USP34: variants seen among roughly 807,000 people sequenced by gnomAD.
The protein encoded by USP34 is ubiquitin specific peptidase 34.
Under a neutral mutation model 460.3 loss-of-function variants are expected in USP34, and 70 were observed. The observed-to-expected ratio is 0.15, with a 90% confidence interval of 0.13 to 0.19. USP34 has a LOEUF of 0.19. USP34 is among the 10% of genes least tolerant of loss of function. The probability of loss-of-function intolerance (pLI) is 1.00; values close to 1 mark genes in which losing one functional copy is unlikely to be tolerated. For synonymous variants in USP34, 1,647 were observed against 1,405.3 expected (o/e 1.17, Z -3.85); for missense variants, 3,985 against 4,236.2 (o/e 0.94, Z 1.65).
chr2:61,399,343 C>CAAAA (rs137914061), intron 3 of USP34, among the ~76,000 whole-genome samples: 14 of 89,938 alleles, frequency 1.6e-4, no homozygotes, highest in Non-Finnish European at 3.3e-4. Context: ...AACTCCGTCT[C>CAAAA]AAAAAAAAAA....
chr2:61,417,864 C>G (rs2103965806), intron 2 of USP34, among the ~76,000 whole-genome samples: 1 of 150,444 alleles, frequency 6.6e-6, no homozygotes, highest in East Asian at 1.9e-4. Context: ...TCCTCAGGCT[C>G]CCGAGTAGCT....
At chr2:61,422,771 G>A (rs963161427) in intron 1 of USP34, among the ~76,000 whole-genome samples, 6 of 152,194 alleles carry the variant, frequency 3.9e-5, no homozygotes, top group African/African-American at 9.7e-5. Flanking sequence ...GGCCAAGGCG[G>A]GCAGATCACT....
At chr2:61,314,441 C>G in intron 25 of USP34, 144 bp downstream of exon 25, 1 of 670,954 alleles carries the variant, frequency 1.5e-6, no homozygotes, top group East Asian at 3.2e-5. Context: ...ATAAAAATTA[C>G]TTATGTTACT....
At chr2:61,289,971 G>C (rs187068207) in intron 33 of USP34, among the ~76,000 whole-genome samples, 1 of 152,102 alleles carries the variant, frequency 6.6e-6, no homozygotes, top group East Asian at 1.9e-4. Flanking sequence ...ATGTGTGGGG[G>C]GCTTGTCCCC....
Position 61,229,651 on chromosome 2 carries a change from G to T in USP34, c.7114-18C>A. ...TGAAACATCTGTGAAGAAAGAAAAA[G>T]ATCAAACAAGAGCCAACTCATCAGG... On this transcript the variant is annotated intron_variant, in intron 58 of 79. Transcript: ENST00000398571. The T allele has an allele frequency of 6.3e-7, 1 of 1,596,552 alleles. No homozygotes were observed. Among genetic ancestry groups the T allele is most frequent in the Non-Finnish European group, 8.5e-7 (1 of 1,171,576 alleles).
In USP34 at chr2:61,405,207, T is replaced by G. The variant is rs749174476; in HGVS notation, c.552+501A>C. 1.2e-3 allele frequency among the ~76,000 whole-genome samples: 135 copies of G among 116,340 alleles called. 1 individual carries two copies. Among genetic ancestry groups the G allele is most frequent in the Non-Finnish European group, 9.5e-4 (59 of 61,884 alleles). 76.3% of individuals were successfully genotyped at this position (116,340 alleles called of 152,430 possible). ...GAGATCACACCACTGCATTCCAGCC[T>G]GGGCAACAGAGAGAGACTCCATCTC... is the stretch of plus-strand genomic sequence containing the variant. On this transcript the variant is annotated intron_variant, in intron 3 of 79. Coordinates refer to ENST00000398571, the MANE Select transcript of USP34 (RefSeq NM_014709.4).
intron 6 of USP34, 111 bp downstream of exon 6, chr2:61,383,158 T>C (rs1693025615): frequency 3.2e-6 from 2 of 629,992 alleles, no homozygotes; most frequent in Non-Finnish European, 5.0e-6. Context: ...ACTTGAAATT[T>C]TCTCTAGAGG....
Position 61,288,545 on chromosome 2 carries a change from A to T in USP34, c.4749+132T>A. On this transcript the variant is annotated intron_variant, in intron 34 of 79. Transcript: ENST00000398571. ...CTGCTTCATAATCACTACTGCTTTA[A>T]AACAATGCCGTCAGTTCAGCTGTCA... 3 of 906,950 alleles carry T rather than the reference A, an allele frequency of 3.3e-6. No homozygotes were observed. The East Asian group carries it at 7.8e-5, about 24-fold the overall frequency. The allele number at this position is 906,950 out of a possible 1,614,324, so 56.2% of individuals were successfully genotyped here. A position where few individuals can be genotyped will look rare whatever the true frequency, so the allele number is the denominator to read the frequency against.
rs566282877 is a variant in USP34 at position 61,459,494 on chromosome 2, G to T, written c.43+11156C>A. Among the ~76,000 whole-genome samples the T allele has an allele frequency of 7.2e-5, 11 of 152,236 alleles. 1 individual carries two copies. In the South Asian group the frequency reaches 2.1e-3, roughly 29 times the overall value. On this transcript the variant is annotated intron_variant, in intron 1 of 79. Transcript: ENST00000398571. ...GCACAATTAAGATACTTGAAAACAGGCCAGGCACGGTGGCTCACACCCATA... is the reference window on the plus strand; with the variant it reads ...GCACAATTAAGATACTTGAAAACAGTCCAGGCACGGTGGCTCACACCCATA...
intron 69 of USP34, among the ~76,000 whole-genome samples, chr2:61,209,917 CT>C (rs1233112931): frequency 6.6e-6 from 1 of 151,616 alleles, no homozygotes; most frequent in Admixed American, 6.6e-5. Flanking sequence ...GTGTTTATGT[CT>C]TAGTTTTTAA....
At chr2:61,454,541 A>G (rs1255296774) in intron 1 of USP34, among the ~76,000 whole-genome samples, 3 of 151,956 alleles carry the variant, frequency 2.0e-5, no homozygotes. Context: ...GTCCCTGGTG[A>G]CTGTGTCAAT....
chr2:61,416,820 T>TG (rs1246172627), intron 2 of USP34: 4,219 of 274,168 alleles, frequency 0.015, 73 homozygotes, highest in African/African-American at 0.074. Context: ...CTTTTTTTTT[T>TG]TGGGGGGGGG....
chr2:61,470,486 C>A (rs1349369217), intron 1 of USP34, among the ~76,000 whole-genome samples, 164 bp downstream of exon 1: 1 of 147,858 alleles, frequency 6.8e-6, no homozygotes, highest in Non-Finnish European at 1.5e-5. Flanking sequence ...GGGCCCGAGG[C>A]GCCGCGGCGG....
chr2:61,328,540 T>C (rs1204525339), intron 20 of USP34, among the ~76,000 whole-genome samples: 16 of 152,110 alleles, frequency 1.1e-4, no homozygotes, highest in Admixed American at 9.8e-4. Flanking sequence ...GGAAATTGTA[T>C]CAAAATAGTC....
chr2:61,203,091 G>A (rs1687022891), intron 75 of USP34, 49 bp downstream of exon 75: 1 of 1,456,124 alleles, frequency 6.9e-7, no homozygotes, highest in Non-Finnish European at 9.1e-7. Flanking sequence ...TGAATGACTA[G>A]GGGCTTAAAA....
At chr2:61,451,884 CTT>C (rs1695288257) in intron 1 of USP34, among the ~76,000 whole-genome samples, 1 of 151,956 alleles carries the variant, frequency 6.6e-6, no homozygotes, top group Admixed American at 6.6e-5. Context: ...TAGAAAAAGA[CTT>C]AATTGAAAGC....
chr2:61,325,314 T>G (rs1572936382), intron 21 of USP34, 61 bp downstream of exon 21: 1 of 1,127,772 alleles, frequency 8.9e-7, no homozygotes, highest in Non-Finnish European at 1.2e-6. Flanking sequence ...GAAGCAAAAG[T>G]AAATTTAGTT....
intron 1 of USP34, among the ~76,000 whole-genome samples, chr2:61,423,860 C>T (rs1171117195): frequency 5.3e-5 from 8 of 152,100 alleles, no homozygotes; most frequent in Non-Finnish European, 1.0e-4. Flanking sequence ...CTAAGGATAA[C>T]GTGGGAGAAT....
At chr2:61,272,362 G>C in intron 41 of USP34, among the ~76,000 whole-genome samples, 1 of 141,760 alleles carries the variant, frequency 7.1e-6, no homozygotes, top group Non-Finnish European at 1.5e-5. Flanking sequence ...AGTGAGCCAA[G>C]ATCATGCCAC....
Sources: gnomAD v4.1 joint callset for allele counts (sites outside exome capture counted in the v4.1 genomes callset) on GRCh38, gnomAD v4.1.1 for gene constraint, MANE v1.5 for transcripts, NCBI Gene and HGNC (gene_info 2026-07-23, HGNC 2026-07-21) for gene names.